SYT16: variants seen among roughly 807,000 people sequenced by gnomAD.
The protein encoded by SYT16 is synaptotagmin-16.
Under a neutral mutation model 61.4 loss-of-function variants are expected in SYT16, and 42 were observed. The observed-to-expected ratio is 0.68, with a 90% CI of 0.53 to 0.89. The LOEUF (loss-of-function observed/expected upper bound fraction) is 0.89, where lower values mean the gene tolerates loss of function less well. SYT16 is among the 40% of genes least tolerant of loss of function. The pLI is 0.00. For missense variants in SYT16, 804 were observed against 807.3 expected (o/e 1.00, Z 0.05); for synonymous variants, 314 against 302.3 (o/e 1.04, Z -0.40).
Position 62,102,569 on chromosome 14 carries a change from T to C in SYT16, c.*1862T>C, listed in dbSNP as rs932175479. 7 of 152,124 alleles carry C rather than the reference T, an allele frequency of 4.6e-5. No individual in the cohort carries two copies. Among genetic ancestry groups the C allele is most frequent in the African/African-American group, 1.7e-4 (7 of 41,434 alleles). The allele number at this position is 152,124 out of a possible 1,614,324, so 9.4% of individuals were successfully genotyped here. ...TTTGCAGCGTGGCTAAGTCATTGAG[T>C]AGAACTGAGTGCGATTGATTAAGTA... On this transcript the variant is annotated 3_prime_UTR_variant, in exon 8 of 8. Coordinates refer to ENST00000683842, the MANE Select transcript of SYT16 (RefSeq NM_001367656.1).
intron 1 of SYT16, among the ~76,000 whole-genome samples, chr14:61,898,217 T>C (rs1379829875): frequency 6.6e-6 from 1 of 152,190 alleles, no homozygotes; most frequent in African/African-American, 2.4e-5. Context: ...TTCTCTATAA[T>C]TGAATTCTTC....
intron 3 of SYT16, among the ~76,000 whole-genome samples, chr14:62,011,198 C>A (rs982579641): frequency 1.3e-5 from 2 of 152,100 alleles, no homozygotes; most frequent in Admixed American, 6.6e-5. Flanking sequence ...GGGAGTAAAT[C>A]TGGTTTCATG....
intron 1 of SYT16, among the ~76,000 whole-genome samples, chr14:61,814,993 C>T (rs1468641600): frequency 2.0e-5 from 3 of 152,140 alleles, no homozygotes; most frequent in Non-Finnish European, 4.4e-5. Flanking sequence ...GTCCTAGTTG[C>T]ATATTAGAAT....
chr14:61,924,537 T>C (rs2140412356), intron 1 of SYT16, among the ~76,000 whole-genome samples: 1 of 152,332 alleles, frequency 6.6e-6, no homozygotes, highest in East Asian at 1.9e-4. Context: ...GAATGAAATC[T>C]TGGTTCGAGT....
intron 2 of SYT16, among the ~76,000 whole-genome samples, chr14:61,992,859 T>C (rs1162515882): frequency 6.6e-6 from 1 of 152,072 alleles, no homozygotes; most frequent in Admixed American, 6.6e-5. Flanking sequence ...TCAACAAACA[T>C]AAATGAGTAG....
intron 3 of SYT16, among the ~76,000 whole-genome samples, chr14:62,002,625 CAG>C (rs976221547): frequency 1.8e-4 from 27 of 152,194 alleles, no homozygotes; most frequent in African/African-American, 5.5e-4. Context: ...TCCCCGGAGA[CAG>C]GGGAATCTGC....
At chr14:61,938,997 T>G (rs980249601) in intron 1 of SYT16, among the ~76,000 whole-genome samples, 2 of 152,242 alleles carry the variant, frequency 1.3e-5, no homozygotes, top group South Asian at 4.1e-4. Context: ...TAGCTGGGCA[T>G]GGTGGCGGGT....
intron 1 of SYT16, among the ~76,000 whole-genome samples, chr14:61,962,016 A>C (rs1264764945): frequency 6.6e-6 from 1 of 152,180 alleles, no homozygotes; most frequent in Non-Finnish European, 1.5e-5. Context: ...TAACACAGGG[A>C]CAGAAAATCA....
At chr14:61,949,896 C>T (rs993488720) in intron 1 of SYT16, among the ~76,000 whole-genome samples, 1 of 152,164 alleles carries the variant, frequency 6.6e-6, no homozygotes, top group African/African-American at 2.4e-5. Context: ...GAAATCAGGG[C>T]TTTGTTTCAC....
chr14:61,997,536 T>C (rs1315154562), intron 3 of SYT16, among the ~76,000 whole-genome samples: 1 of 152,070 alleles, frequency 6.6e-6, no homozygotes, highest in Non-Finnish European at 1.5e-5. Context: ...AGAAACACAA[T>C]TTCATATTCT....
chr14:62,007,125 T>C (rs888609565), intron 3 of SYT16, among the ~76,000 whole-genome samples: 1 of 152,180 alleles, frequency 6.6e-6, no homozygotes, highest in Non-Finnish European at 1.5e-5. Flanking sequence ...ATTATTGGGA[T>C]TGCTTGTGGC....
At chr14:61,882,420 G>C (rs189295281) in intron 1 of SYT16, among the ~76,000 whole-genome samples, 49 of 152,298 alleles carry the variant, frequency 3.2e-4, no homozygotes, top group Admixed American at 1.4e-3. Flanking sequence ...AATGCCAGAT[G>C]CTTAGAAAAC....
At chr14:62,065,147 A>G (rs1207556295) in intron 3 of SYT16, among the ~76,000 whole-genome samples, 1 of 152,210 alleles carries the variant, frequency 6.6e-6, no homozygotes, top group African/African-American at 2.4e-5. Flanking sequence ...TTCAGGGTGG[A>G]AGCAGGAGAG....
intron 2 of SYT16, among the ~76,000 whole-genome samples, chr14:61,992,616 G>T (rs1454680501): frequency 6.6e-6 from 1 of 152,074 alleles, no homozygotes; most frequent in Non-Finnish European, 1.5e-5. Flanking sequence ...ACTAAGCCCA[G>T]TTGGATGGTG....
chr14:62,000,097 C>T (rs1252988667), intron 3 of SYT16, among the ~76,000 whole-genome samples: 6 of 16,664 alleles, frequency 3.6e-4, no homozygotes, highest in Admixed American at 2.3e-3. Flanking sequence ...TTTTGTCTCT[C>T]GATTTTTTTT....
intron 3 of SYT16, among the ~76,000 whole-genome samples, chr14:62,040,298 A>G (rs2054675971): frequency 6.6e-6 from 1 of 152,188 alleles, no homozygotes; most frequent in Non-Finnish European, 1.5e-5. Context: ...GAAAATCAAG[A>G]TATTGTTACT....
At chr14:61,838,830 A>G (rs2046212506) in intron 1 of SYT16, among the ~76,000 whole-genome samples, 1 of 152,210 alleles carries the variant, frequency 6.6e-6, no homozygotes, top group Non-Finnish European at 1.5e-5. Context: ...AGAAAGTACA[A>G]ATTAATATCT....
chr14:61,886,419 C>A (rs1293522877), intron 1 of SYT16, among the ~76,000 whole-genome samples: 1 of 152,194 alleles, frequency 6.6e-6, no homozygotes, highest in African/African-American at 2.4e-5. Context: ...TCCTCTCGAA[C>A]CTTGCCACTT....
At chr14:62,025,842 T>C (rs2054082098) in intron 3 of SYT16, among the ~76,000 whole-genome samples, 1 of 152,084 alleles carries the variant, frequency 6.6e-6, no homozygotes, top group African/African-American at 2.4e-5. Flanking sequence ...ATACTAACCT[T>C]GTACTCTGCA....
Sources: allele counts gnomAD v4.1 joint callset (sites outside exome capture counted in the v4.1 genomes callset), GRCh38; gene constraint gnomAD v4.1.1; transcripts MANE v1.5; gene names NCBI Gene and HGNC (gene_info 2026-07-23, HGNC 2026-07-21).